The following WDPCP variants were observed in gnomAD, a reference collection of about 807,000 sequenced individuals.
WDPCP encodes the protein WD repeat-containing and planar cell polarity effector protein fritz homolog.
In WDPCP, 71 loss-of-function variants were observed where a neutral mutation model predicts 93.1. The ratio of observed to expected loss-of-function variants is 0.76; its 90% CI spans 0.63 to 0.93. WDPCP has a LOEUF of 0.93. Ranked by LOEUF, WDPCP falls within the 40% of genes least tolerant of loss-of-function variation. WDPCP has a pLI of 0.00. For missense variants in WDPCP, 844 were observed against 887.4 expected (o/e 0.95, Z 0.62); for synonymous variants, 315 against 315.0 (o/e 1.00, Z 0.00).
chr2:63,144,573 A>C (rs1671343092), intron 17 of WDPCP, among the ~76,000 whole-genome samples: 3 of 152,186 alleles, frequency 2.0e-5, no homozygotes, highest in Admixed American at 2.0e-4. Context: ...CATTTCTAAA[A>C]GTGTGTCCAA....
At chr2:63,260,736 G>A (rs1247042856) in intron 13 of WDPCP, among the ~76,000 whole-genome samples, 1 of 152,094 alleles carries the variant, frequency 6.6e-6, no homozygotes, top group African/African-American at 2.4e-5. Context: ...TTTTAGTAGA[G>A]ACGGGGTTTC....
intron 1 of WDPCP, among the ~76,000 whole-genome samples, chr2:63,514,239 A>G (rs1320690810): frequency 6.6e-6 from 1 of 152,088 alleles, no homozygotes; most frequent in Admixed American, 6.6e-5. Flanking sequence ...TATACTATAT[A>G]TATGGGCTAT....
At chr2:63,391,727 C>A (rs1693267721) in intron 10 of WDPCP, among the ~76,000 whole-genome samples, 1 of 152,140 alleles carries the variant, frequency 6.6e-6, no homozygotes, top group African/African-American at 2.4e-5. Context: ...AAATCACAAG[C>A]ATTCCTATAC....
At chr2:63,710,849 G>T (rs1669251517) in intron 2 of WDPCP, among the ~76,000 whole-genome samples, 1 of 152,128 alleles carries the variant, frequency 6.6e-6, no homozygotes, top group Admixed American at 6.5e-5. Context: ...ACTGTAGAAG[G>T]AGGGATCTCC....
At chr2:63,560,136 C>T (rs911141159) in intron 1 of WDPCP, among the ~76,000 whole-genome samples, 2 of 151,972 alleles carry the variant, frequency 1.3e-5, no homozygotes, top group African/African-American at 4.8e-5. Context: ...GGCAGGAGAA[C>T]CGCTTGAAGC....
At chr2:63,631,288 T>C (rs1709862569) in intron 3 of WDPCP, among the ~76,000 whole-genome samples, 1 of 151,456 alleles carries the variant, frequency 6.6e-6, no homozygotes. Context: ...TCAAAATAAA[T>C]TTTAAAAAAA....
chr2:63,521,846 G>A (rs144137352), intron 1 of WDPCP, among the ~76,000 whole-genome samples: 32 of 152,116 alleles, frequency 2.1e-4, no homozygotes, highest in African/African-American at 6.3e-4. Context: ...GGGCCACAGC[G>A]CAATAAAAAT....
chr2:63,499,511 T>C lies in WDPCP; in HGVS notation c.76-6571A>G, dbSNP rs536290440. ...TTGGAAGATTAACTGGTGGGTAAAA[T>C]ATTGGAGGAGTGAAGGAAAGTTTGA... On this transcript the variant is annotated intron_variant, in intron 1 of 17. Transcript: ENST00000272321. Among the ~76,000 whole-genome samples, 33 of 152,168 alleles carry C rather than the reference T, an allele frequency of 2.2e-4. No homozygotes were observed. In the South Asian group the frequency reaches 6.7e-3, roughly 31 times the overall value.
At chr2:63,720,274 AG>A (rs1178506652) in intron 2 of WDPCP, among the ~76,000 whole-genome samples, 4 of 152,064 alleles carry the variant, frequency 2.6e-5, no homozygotes, top group Non-Finnish European at 5.9e-5. Context: ...AAATTTAGCC[AG>A]GTATGGCGGT....
chr2:63,588,087 G>C, intron 1 of WDPCP, 110 bp downstream of exon 1: 1 of 1,313,578 alleles, frequency 7.6e-7, no homozygotes. Flanking sequence ...AGGGACCGGC[G>C]AGCTTGCAGG....
intron 1 of WDPCP, among the ~76,000 whole-genome samples, chr2:63,572,701 C>CAAAAATAAAAAAAA (rs1707611845): frequency 4.0e-5 from 1 of 24,780 alleles, no homozygotes. Flanking sequence ...GACTCTGTCT[C>CAAAAATAAAAAAAA]AAAAAAAAAA....
chr2:63,441,164 T>A (rs1352811389), intron 6 of WDPCP: 1 of 152,210 alleles, frequency 6.6e-6, no homozygotes, highest in African/African-American at 2.4e-5. Flanking sequence ...TAATCATCTT[T>A]ATGGGTTTTG....
At chr2:63,317,125 C>T (rs1487206031) in intron 12 of WDPCP, among the ~76,000 whole-genome samples, 2 of 152,068 alleles carry the variant, frequency 1.3e-5, no homozygotes, top group Non-Finnish European at 2.9e-5. Flanking sequence ...ACTACAGATT[C>T]AATGTTATTC....
At chr2:63,473,631 C>T (rs1238965112) in intron 6 of WDPCP, among the ~76,000 whole-genome samples, 1 of 152,154 alleles carries the variant, frequency 6.6e-6, no homozygotes, top group African/African-American at 2.4e-5. Context: ...TACCACATAG[C>T]CATCTGGTTT....
At chr2:63,643,932 T>G (rs1710014635) in intron 3 of WDPCP, 1 of 500,682 alleles carries the variant, frequency 2.0e-6, no homozygotes, top group Non-Finnish European at 4.0e-6. Context: ...AGGTACTTTC[T>G]CAACTTGTGG....
At chr2:63,387,139 C>G (rs1004815098) in intron 10 of WDPCP, among the ~76,000 whole-genome samples, 2 of 152,014 alleles carry the variant, frequency 1.3e-5, no homozygotes, top group Non-Finnish European at 2.9e-5. Context: ...TTCTATGAGG[C>G]CAGCATCATC....
intron 14 of WDPCP, chr2:63,229,675 A>G (rs1314040228): frequency 6.6e-6 from 1 of 151,820 alleles, no homozygotes; most frequent in African/African-American, 2.4e-5. Flanking sequence ...TCCCAGCACC[A>G]TTTATTAAAT....
rs376550206 is a variant in WDPCP, at chr2:63,645,383, AT to A, written n.488+5275del. ...AGAGAAGATGCTGGATAGTATTTCA[AT>A]TTTTTTTGCATGTTTTAAGGCTTGT... On this transcript the variant is annotated intron_variant and non_coding_transcript_variant, in intron 3 of 4. Transcript: ENST00000467687. Among the ~76,000 whole-genome samples the A allele has an allele frequency of 3.0e-3, 454 of 151,884 alleles. 2 individuals are homozygous for A. Among genetic ancestry groups the A allele is most frequent in the African/African-American group, 0.01 (423 of 41,462 alleles).
intron 1 of WDPCP, among the ~76,000 whole-genome samples, chr2:63,578,015 C>T (rs1288332899): frequency 6.6e-6 from 1 of 152,132 alleles, no homozygotes; most frequent in Non-Finnish European, 1.5e-5. Flanking sequence ...TGCAAACAAT[C>T]TACACAGATG....
Sources: gnomAD v4.1 joint callset for allele counts (sites outside exome capture counted in the v4.1 genomes callset) on GRCh38, gnomAD v4.1.1 for gene constraint, MANE v1.5 for transcripts, NCBI Gene and HGNC (gene_info 2026-07-23, HGNC 2026-07-21) for gene names.